The following DNAJC11 variants were observed in gnomAD, a reference collection of about 807,000 sequenced individuals.
DNAJC11 encodes the protein dnaJ homolog subfamily C member 11.
Under a neutral mutation model 78.6 loss-of-function variants are expected in DNAJC11, and 15 were observed. That is an observed-to-expected ratio of 0.19 (90% CI 0.13 to 0.29). The LOEUF (loss-of-function observed/expected upper bound fraction) is 0.29, where lower values mean the gene tolerates loss of function less well. DNAJC11 is among the 10% of genes least tolerant of loss of function. DNAJC11 has a pLI of 1.00. For missense variants in DNAJC11, 547 were observed against 709.6 expected, an observed-to-expected ratio of 0.77 and a Z score of 2.60; for synonymous variants, 292 against 272.1, an observed-to-expected ratio of 1.07 and a Z score of -0.72.
chr1:6,644,986 T>G, intron 9 of DNAJC11, 55 bp downstream of exon 9: 1 of 1,520,696 alleles, frequency 6.6e-7, no homozygotes, highest in Non-Finnish European at 9.1e-7. Flanking sequence ...GGTTCCACTG[T>G]GAAGACCCGC....
intron 1 of DNAJC11, among the ~76,000 whole-genome samples, chr1:6,682,145 G>T (rs1406431093): frequency 1.8e-5 from 2 of 108,144 alleles, no homozygotes; most frequent in Non-Finnish European, 3.5e-5. Context: ...ACATAAGTTA[G>T]TCCTGGGACC....
Position 6,645,256 on chromosome 1 carries a change from C to T in DNAJC11, c.895-130G>A. 2 of 677,338 alleles carry T rather than the reference C, an allele frequency of 3.0e-6. No homozygotes were observed. The highest frequency in any genetic ancestry group is 4.5e-5 in the Admixed American group (2 of 44,648). 42.0% of individuals were successfully genotyped at this position (677,338 alleles called of 1,614,324 possible). ...CTTTAAGGCAGGGGTCACGGTCTGG[C>T]AGCCGCAGTGAGTGCACCATGATTT... On this transcript the variant is annotated intron_variant, in intron 8 of 15. Transcript: ENST00000377577. The surrounding 1 kb of genome is among the most constrained non-coding windows in gnomAD (Gnocchi z 4.1).
rs140612810 is a variant in DNAJC11, at chr1:6,668,503, G to A, written c.277-693C>T. ...GATAACAAATGTTAAATATCAAGAC[G>A]AAGGCAAGCTGGCTCTCCCTAGTGG... is the stretch of plus-strand genomic sequence containing the variant. On this transcript the variant is annotated intron_variant, in intron 3 of 15. Coordinates refer to ENST00000377577, the MANE Select transcript of DNAJC11 (RefSeq NM_018198.4). Among the ~76,000 whole-genome samples the A allele has an allele frequency of 3.0e-4, 46 of 152,226 alleles. 1 individual carries two copies. Among genetic ancestry groups the A allele is most frequent in the African/African-American group, 9.6e-4 (40 of 41,546 alleles).
intron 4 of DNAJC11, among the ~76,000 whole-genome samples, chr1:6,666,240 CA>C (rs1487026713): frequency 1.3e-5 from 2 of 152,146 alleles, no homozygotes; most frequent in Non-Finnish European, 2.9e-5. Context: ...ATGTGGGATT[CA>C]AAGAGATGGA....
chr1:6,693,587 T>C (rs1395356035), intron 1 of DNAJC11, among the ~76,000 whole-genome samples: 2 of 152,110 alleles, frequency 1.3e-5, no homozygotes. Flanking sequence ...TTTCACCATG[T>C]TGGCCAGGCT....
At chr1:6,637,543 A>G in intron 12 of DNAJC11, 39 bp from the exon 13 acceptor site, 1 of 1,612,448 alleles carries the variant, frequency 6.2e-7, no homozygotes, top group Non-Finnish European at 8.5e-7. Flanking sequence ...GGGCCCTGCC[A>G]GGCCTGTTCC....
Position 6,634,708 on chromosome 1 carries a change from A to T in DNAJC11, c.*967T>A, listed in dbSNP as rs774702171. The T allele has an allele frequency of 3.7e-6, 5 of 1,364,882 alleles. No homozygotes were observed. The highest frequency in any genetic ancestry group is 3.4e-5 in the South Asian group (3 of 87,540). The allele number at this position is 1,364,882 out of a possible 1,614,324, so 84.5% of individuals were successfully genotyped here. A position where few individuals can be genotyped will look rare whatever the true frequency, so the allele number is the denominator to read the frequency against. ...GTGGGCACGTGGAGGAAGGGTCTGA[A>T]GGAAGGCTCCGGAGCACAGGCCCTG... On this transcript the variant is annotated 3_prime_UTR_variant, in exon 16 of 16. Transcript: ENST00000377577.
chr1:6,669,667 G>T (rs1410160502), intron 3 of DNAJC11, among the ~76,000 whole-genome samples: 2 of 152,198 alleles, frequency 1.3e-5, no homozygotes, highest in Non-Finnish European at 2.9e-5. Flanking sequence ...AGGCCACCGT[G>T]AAAGAGGCAA....
rs1452142560 is a variant in DNAJC11 at position 6,667,805 on chromosome 1, C to T, written c.282G>A (p.Val94=). Residue 94 remains valine (V), a synonymous_variant, in exon 4 of 16, where the codon GTG becomes GTA. Transcript: ENST00000377577. ...TTTCAGCAGGGGTTCTCCTCCTTTC[C>T]ACAACCTATGCACAGAATCAAGATG... is the stretch of plus-strand genomic sequence containing the variant. The part of the protein sequence containing the change: ...RGLEMEGWEV[V]ERRRTPAEIR... 2 of 1,613,802 alleles carry T rather than the reference C, an allele frequency of 1.2e-6. No homozygotes were observed. Among genetic ancestry groups the T allele is most frequent in the South Asian group, 1.1e-5 (1 of 91,062 alleles).
intron 4 of DNAJC11, among the ~76,000 whole-genome samples, chr1:6,662,920 G>A (rs1228837555): frequency 1.3e-5 from 2 of 151,994 alleles, no homozygotes; most frequent in Non-Finnish European, 2.9e-5. Flanking sequence ...GCTCACTCTG[G>A]GTCCGCACCA....
chr1:6,701,126 G>A (rs1259508892), intron 1 of DNAJC11, among the ~76,000 whole-genome samples: 5 of 152,148 alleles, frequency 3.3e-5, no homozygotes, highest in African/African-American at 7.2e-5. Context: ...TCCGAGCCGA[G>A]GGTCTGTGTC....
At chr1:6,651,006 A>T (rs758402152) in intron 7 of DNAJC11, 2 of 530,064 alleles carry the variant, frequency 3.8e-6, no homozygotes, top group Non-Finnish European at 7.8e-6. Context: ...CACAGACATC[A>T]CTGCACCCAC....
chr1:6,662,519 C>T (rs1412590929), intron 4 of DNAJC11, among the ~76,000 whole-genome samples: 1 of 152,136 alleles, frequency 6.6e-6, no homozygotes, highest in Non-Finnish European at 1.5e-5. Context: ...GAGAACTTTT[C>T]TGTCTTACAA....
intron 3 of DNAJC11, 108 bp downstream of exon 3, chr1:6,678,286 G>A: frequency 8.4e-7 from 1 of 1,187,274 alleles, no homozygotes; most frequent in East Asian, 2.4e-5. Flanking sequence ...GGGCTCTAAT[G>A]GTTTCAAATA....
chr1:6,695,658 A>C (rs1477094869), intron 1 of DNAJC11, among the ~76,000 whole-genome samples: 3 of 142,644 alleles, frequency 2.1e-5, no homozygotes, highest in African/African-American at 7.8e-5. Context: ...AAAAAAAAAA[A>C]TTAGCCGGGT....
Position 6,654,007 on chromosome 1 carries a change from G to A in DNAJC11, c.411C>T (p.Asp137=), listed in dbSNP as rs1553128134. Reference sequence around the variant, plus strand: ...ACTCCTCATCATAGCGATCAAAAAGGTCGGTGGCATCTACTCCAACGCTGA... The same window carrying A: ...ACTCCTCATCATAGCGATCAAAAAGATCGGTGGCATCTACTCCAACGCTGA... ...GTISVGVDAT[D]LFDRYDEEYE... Residue 137 remains aspartate (D), a synonymous_variant, in exon 5 of 16, where the codon GAC becomes GAT. Coordinates refer to ENST00000377577, the MANE Select transcript of DNAJC11 (RefSeq NM_018198.4). 1.9e-6 allele frequency: 3 copies of A among 1,613,524 alleles called. No homozygotes were observed. The highest frequency in any genetic ancestry group is 1.7e-6 in the Non-Finnish European group (2 of 1,179,554).
intron 10 of DNAJC11, among the ~76,000 whole-genome samples, chr1:6,643,449 G>A (rs922751465): frequency 2.0e-5 from 3 of 151,890 alleles, no homozygotes; most frequent in African/African-American, 7.3e-5. Context: ...TTAATTTTTT[G>A]TATTTTTAGT....
At chr1:6,697,384 A>G (rs1642854221) in intron 1 of DNAJC11, among the ~76,000 whole-genome samples, 1 of 152,206 alleles carries the variant, frequency 6.6e-6, no homozygotes, top group Non-Finnish European at 1.5e-5. Context: ...TCCACAGACT[A>G]GTGGGAGTGG....
Position 6,686,483 on chromosome 1 carries a change from A to G in DNAJC11, c.73-5446T>C, listed in dbSNP as rs374777190. Among the ~76,000 whole-genome samples the G allele has an allele frequency of 9.2e-5, 14 of 152,330 alleles. No individual in the cohort carries two copies. In the East Asian group the frequency reaches 1.9e-3, roughly 21 times the overall value. On this transcript the variant is annotated intron_variant, in intron 1 of 15. Coordinates refer to ENST00000377577, the MANE Select transcript of DNAJC11 (RefSeq NM_018198.4). ...GCTAGTACAGTTTGGCAATGTCTTC[A>G]GGTCCCAGGATGACACAGCAGTCAT... is the stretch of plus-strand genomic sequence containing the variant.
Sources: gnomAD v4.1 joint callset for allele counts (sites outside exome capture counted in the v4.1 genomes callset) on GRCh38, gnomAD v4.1.1 for gene constraint, Gnocchi (gnomAD v3.1) non-coding constraint, MANE v1.5 for transcripts, NCBI Gene and HGNC (gene_info 2026-07-23, HGNC 2026-07-21) for gene names.